Variants in CABIN1 observed in about 807,000 individuals in gnomAD.
CABIN1 encodes the protein calcineurin-binding protein cabin-1.
Under a neutral mutation model 227.7 loss-of-function variants are expected in CABIN1, and 133 were observed. The observed-to-expected ratio is 0.58, with a 90% CI of 0.51 to 0.67. The LOEUF (loss-of-function observed/expected upper bound fraction) is 0.67. CABIN1 is among the 30% of genes least tolerant of loss of function. The probability of loss-of-function intolerance (pLI) is 0.00; values close to 1 mark genes in which losing one functional copy is unlikely to be tolerated. For missense variants in CABIN1, 2,408 were observed against 2,852.5 expected, an observed-to-expected ratio of 0.84 and a Z score of 3.55; for synonymous variants, 1,086 against 1,155.1, an observed-to-expected ratio of 0.94 and a Z score of 1.21.
At chr22:24,124,348 C>G (rs1054818502) in intron 28 of CABIN1, among the ~76,000 whole-genome samples, 2 of 152,178 alleles carry the variant, frequency 1.3e-5, no homozygotes. Flanking sequence ...ACTCCTCTGC[C>G]AGGCCCTCTG....
At position 24,087,608 on chromosome 22, in the gene CABIN1, G is replaced by A. The variant is rs182439192; in HGVS notation, c.3420G>A (p.Leu1140=). The change falls in exon 23 of 37, where the codon TTG becomes TTA. Residue 1140 remains leucine, a synonymous_variant. Transcript: ENST00000263119. ...CCCTGGAGATTGACAGCTCCAACTTGTCCCTATGGATTGAGTATGGCACCA... is the reference window on the plus strand; with the variant it reads ...CCCTGGAGATTGACAGCTCCAACTTATCCCTATGGATTGAGTATGGCACCA... ...RRALEIDSSN[L]SLWIEYGTMS... is the part of the protein sequence containing the mutation. 6.2e-7 allele frequency: 1 copy of A among 1,614,158 alleles called. No individual in the cohort carries two copies. The highest frequency in any genetic ancestry group is 2.2e-5 in the East Asian group (1 of 44,878).
chr22:24,141,338 G>A (rs2044745262), intron 29 of CABIN1, among the ~76,000 whole-genome samples: 1 of 152,364 alleles, frequency 6.6e-6, no homozygotes, highest in African/African-American at 2.4e-5. Flanking sequence ...CTTGGTCACT[G>A]CTGCATAGCA....
Position 24,178,310 on chromosome 22 carries a change from G to T in CABIN1, c.*114G>T. 2.2e-6 allele frequency: 3 copies of T among 1,346,384 alleles called. No individual in the cohort carries two copies. In the Admixed American group the frequency reaches 6.0e-5, roughly 27 times the overall value. 83.4% of individuals were successfully genotyped at this position (1,346,384 alleles called of 1,614,324 possible). On this transcript the variant is annotated 3_prime_UTR_variant, in exon 37 of 37. Transcript: ENST00000263119. ...CCACATGGATGCCACTCCCCACACAGCCCCCAGGCCTGCCCAGCCCACCTC... is the reference window on the plus strand; with the variant it reads ...CCACATGGATGCCACTCCCCACACATCCCCCAGGCCTGCCCAGCCCACCTC...
At position 24,070,936 on chromosome 22, in the gene CABIN1, T is replaced by C. The variant is rs2040040979; in HGVS notation, c.2369T>C (p.Leu790Pro). 6.2e-7 allele frequency: 1 copy of C among 1,614,122 alleles called. No homozygotes were observed. Among genetic ancestry groups the C allele is most frequent in the Non-Finnish European group, 8.5e-7 (1 of 1,180,034 alleles). The change falls in exon 17 of 37, where the codon CTG (leucine) becomes CCG (proline). Residue 790 changes from leucine to proline, a missense_variant. By Grantham distance (98) the Leu-to-Pro change is moderately conservative (BLOSUM62 -3). Transcript: ENST00000263119. Reference protein sequence around the residue: ...KEEWVATVTQLLMGIEQALSA... With the variant: ...KEEWVATVTQPLMGIEQALSA... ...GAGTGGGTGGCCACAGTGACCCAACTGCTGATGGGCATCGAGCAGGCCCTC... is the reference window on the plus strand; with the variant it reads ...GAGTGGGTGGCCACAGTGACCCAACCGCTGATGGGCATCGAGCAGGCCCTC...
At chr22:24,068,944 C>T (rs1374542438) in intron 16 of CABIN1, among the ~76,000 whole-genome samples, 1 of 152,116 alleles carries the variant, frequency 6.6e-6, no homozygotes, top group Admixed American at 6.5e-5. Flanking sequence ...TCTGAGGGAC[C>T]CCATGTTCTC....
intron 34 of CABIN1, chr22:24,173,514 A>G (rs924810980): frequency 1.3e-5 from 2 of 152,220 alleles, no homozygotes; most frequent in Non-Finnish European, 2.9e-5. Flanking sequence ...GGAGCCTGTG[A>G]AGGCTTCAGG....
At chr22:24,110,696 T>TTTATTCTTGAGA (rs2147737111) in intron 26 of CABIN1, among the ~76,000 whole-genome samples, 1 of 152,310 alleles carries the variant, frequency 6.6e-6, no homozygotes, top group African/African-American at 2.4e-5. Context: ...TTGAGTTGAT[T>TTTATTCTTGAGA]ATTTTATTCT....
At chr22:24,166,118 G>A (rs1239505885) in intron 31 of CABIN1, among the ~76,000 whole-genome samples, 2 of 152,236 alleles carry the variant, frequency 1.3e-5, no homozygotes, top group Admixed American at 6.5e-5. Context: ...ATGCCTGGTA[G>A]GGCTGGCTGT....
At chr22:24,114,885 G>T (rs954966147) in intron 27 of CABIN1, among the ~76,000 whole-genome samples, 30 of 152,242 alleles carry the variant, frequency 2.0e-4, no homozygotes, top group African/African-American at 7.2e-4. Context: ...ACCTGATAGA[G>T]ACACTAGAGA....
chr22:24,096,898 G>A (rs2041926360), intron 25 of CABIN1, among the ~76,000 whole-genome samples: 1 of 152,198 alleles, frequency 6.6e-6, no homozygotes, highest in Non-Finnish European at 1.5e-5. Context: ...TGCCTGACTG[G>A]GCACTGTGCG....
At chr22:24,094,703 G>C (rs2041773019) in intron 24 of CABIN1, among the ~76,000 whole-genome samples, 2 of 150,850 alleles carry the variant, frequency 1.3e-5, no homozygotes, top group Admixed American at 6.6e-5. Context: ...TGTAGTCCCA[G>C]CTACTCGGGA....
At chr22:24,138,647 A>G (rs1602298548) in intron 29 of CABIN1, among the ~76,000 whole-genome samples, 2 of 152,222 alleles carry the variant, frequency 1.3e-5, no homozygotes, top group South Asian at 2.1e-4. Flanking sequence ...ATAGGAGGGT[A>G]CAGGGAAGGC....
intron 28 of CABIN1, among the ~76,000 whole-genome samples, chr22:24,131,536 T>C (rs2044073080): frequency 1.3e-5 from 2 of 152,192 alleles, no homozygotes; most frequent in African/African-American, 4.8e-5. Flanking sequence ...GGCTCCCCAC[T>C]GGCCTTATGG....
intron 29 of CABIN1, among the ~76,000 whole-genome samples, chr22:24,136,646 G>A (rs531499909): frequency 1.2e-4 from 18 of 149,226 alleles, no homozygotes; most frequent in African/African-American, 3.0e-4. Context: ...GATTACAGGC[G>A]TGAGTCACTG....
intron 28 of CABIN1, among the ~76,000 whole-genome samples, chr22:24,124,255 C>G (rs983909087): frequency 3.9e-5 from 6 of 152,162 alleles, no homozygotes; most frequent in Non-Finnish European, 7.4e-5. Context: ...TCCAACATAC[C>G]CTGCACTGCC....
intron 9 of CABIN1, 73 bp from the exon 10 acceptor site, chr22:24,056,119 T>A: frequency 8.0e-7 from 1 of 1,257,812 alleles, no homozygotes; most frequent in Non-Finnish European, 1.2e-6. Flanking sequence ...AAGAGGGAGA[T>A]TGATGTGTCT....
intron 8 of CABIN1, 131 bp downstream of exon 8, chr22:24,051,105 C>T: frequency 2.6e-6 from 3 of 1,168,758 alleles, no homozygotes; most frequent in South Asian, 1.3e-5. Context: ...GCTGGGTGCA[C>T]AGTGGCCAAA....
Position 24,059,268 on chromosome 22 carries a change from A to G in CABIN1, c.1304A>G (p.Asn435Ser). Residue 435 changes from asparagine to serine, a missense_variant, in exon 11 of 37, where the codon AAT (asparagine) becomes AGT (serine). Physicochemically the swap from Asn to Ser is conservative, Grantham distance 46. Coordinates refer to ENST00000263119, the MANE Select transcript of CABIN1 (RefSeq NM_012295.4). ...LDPEEEDDSF[N>S]NYEVQSEAKL... is the part of the protein sequence containing the mutation. Reference sequence around the variant, plus strand: ...CCTGAGGAGGAAGATGATTCCTTTAATAACTATGAAGTCCAGTCAGAAGCC... The same window carrying G: ...CCTGAGGAGGAAGATGATTCCTTTAGTAACTATGAAGTCCAGTCAGAAGCC... 4 of 1,614,242 alleles carry G rather than the reference A, an allele frequency of 2.5e-6. No homozygotes were observed. The highest frequency in any genetic ancestry group is 3.4e-6 in the Non-Finnish European group (4 of 1,180,038).
chr22:24,036,315 C>T (rs1471286720), intron 3 of CABIN1, 134 bp downstream of exon 3: 1 of 730,258 alleles, frequency 1.4e-6, no homozygotes, highest in Non-Finnish European at 2.5e-6. Flanking sequence ...GCTAGCTCTC[C>T]ATCTCCTGTT....
Sources: gnomAD v4.1 joint callset for allele counts (sites outside exome capture counted in the v4.1 genomes callset) on GRCh38, gnomAD v4.1.1 for gene constraint, MANE v1.5 for transcripts, NCBI Gene and HGNC (gene_info 2026-07-23, HGNC 2026-07-21) for gene names.